Variants in AP2B1 observed in about 807,000 individuals in gnomAD.
The protein encoded by AP2B1 is adaptor related protein complex 2 subunit beta 1.
A neutral mutation model predicts 102.0 loss-of-function variants in AP2B1; 23 were observed. That is an observed-to-expected ratio of 0.23 (90% confidence interval 0.16 to 0.32). The LOEUF (loss-of-function observed/expected upper bound fraction) is 0.32, where lower values mean the gene tolerates loss of function less well. Ranked by LOEUF, AP2B1 falls within the 10% of genes least tolerant of loss-of-function variation. The pLI is 1.00. For synonymous variants in AP2B1, 381 were observed against 421.2 expected (o/e 0.90, Z 1.17); for missense variants, 541 against 1,157.4 (o/e 0.47, Z 7.73).
Position 35,601,468 on chromosome 17 carries a change from T to C in AP2B1, c.143+3133T>C, listed in dbSNP as rs574520288. ...CCTCAGCCTCCTGAGTAGCTGGTACTGTATATGCACCTGCCATCACTCCTG... is the reference window on the plus strand; with the variant it reads ...CCTCAGCCTCCTGAGTAGCTGGTACCGTATATGCACCTGCCATCACTCCTG... On this transcript the variant is annotated intron_variant, in intron 3 of 21. Transcript: ENST00000610402. Among the ~76,000 whole-genome samples, 6 of 152,336 alleles carry C rather than the reference T, an allele frequency of 3.9e-5. No individual in the cohort carries two copies. The South Asian group carries it at 1.0e-3, about 26-fold the overall frequency.
At chr17:35,665,079 T>C (rs754865550) in intron 14 of AP2B1, among the ~76,000 whole-genome samples, 1 of 152,122 alleles carries the variant, frequency 6.6e-6, no homozygotes, top group Non-Finnish European at 1.5e-5. Flanking sequence ...TTACAGAGTC[T>C]TTCCACCAAT....
Position 35,626,612 on chromosome 17 carries a change from C to A in AP2B1, c.717-9C>A. 6.3e-7 allele frequency: 1 copy of A among 1,583,826 alleles called. No homozygotes were observed. The highest frequency in any genetic ancestry group is 8.7e-7 in the Non-Finnish European group (1 of 1,154,606). The stretch of plus-strand genomic sequence containing the variant: ...ATTCATGATATTAATTTTCATTCTC[C>A]ACCCTCAGCATCTGTGAGCGGGTAA... On this transcript the variant is annotated splice_polypyrimidine_tract_variant and intron_variant, in intron 6 of 21. Transcript: ENST00000610402.
At chr17:35,699,077 C>T (rs1398015811) in intron 18 of AP2B1, among the ~76,000 whole-genome samples, 1 of 152,170 alleles carries the variant, frequency 6.6e-6, no homozygotes, top group African/African-American at 2.4e-5. Flanking sequence ...ATGGGTACTA[C>T]AGGAGAAGTC....
At chr17:35,638,791 A>G (rs1234517296) in intron 10 of AP2B1, among the ~76,000 whole-genome samples, 14 of 3,940 alleles carry the variant, frequency 3.6e-3, no homozygotes, top group Middle Eastern at 0.071. Context: ...TCCGTCTTGA[A>G]AAAAAAAAAA....
chr17:35,679,261 T>C (rs1202986854), intron 17 of AP2B1, among the ~76,000 whole-genome samples: 3 of 152,184 alleles, frequency 2.0e-5, no homozygotes, highest in Non-Finnish European at 4.4e-5. Context: ...TCTAGAGGGC[T>C]GATCTTTGCC....
At chr17:35,654,868 C>T (rs1164361234) in intron 13 of AP2B1, among the ~76,000 whole-genome samples, 1 of 151,882 alleles carries the variant, frequency 6.6e-6, no homozygotes, top group East Asian at 1.9e-4. Context: ...AGGTTATTGC[C>T]TGACCTTTGC....
At chr17:35,611,996 A>G (rs901651709) in intron 5 of AP2B1, among the ~76,000 whole-genome samples, 1 of 152,242 alleles carries the variant, frequency 6.6e-6, no homozygotes, top group Non-Finnish European at 1.5e-5. Context: ...AGACTTTTAG[A>G]GAAAATTTAA....
At chr17:35,604,840 A>G (rs2073613587) in intron 3 of AP2B1, among the ~76,000 whole-genome samples, 1 of 152,234 alleles carries the variant, frequency 6.6e-6, no homozygotes, top group East Asian at 1.9e-4. Flanking sequence ...ATGTAATCCC[A>G]GCACTAGGAT....
At chr17:35,720,563 A>ATTTTTTTTTTT in intron 21 of AP2B1, among the ~76,000 whole-genome samples, 1 of 49,656 alleles carries the variant, frequency 2.0e-5, no homozygotes, top group Non-Finnish European at 4.1e-5. Flanking sequence ...ATATATATAT[A>ATTTTTTTTTTT]TATATATATA....
At chr17:35,713,897 C>G (rs972507176) in intron 20 of AP2B1, 1 of 152,200 alleles carries the variant, frequency 6.6e-6, no homozygotes, top group Admixed American at 6.5e-5. Context: ...TAGCACCGAT[C>G]ATTTCTGTGG....
At chr17:35,665,923 T>C (rs548989452) in intron 14 of AP2B1, among the ~76,000 whole-genome samples, 2 of 152,334 alleles carry the variant, frequency 1.3e-5, no homozygotes, top group Admixed American at 6.5e-5. Flanking sequence ...GGATTTTTTT[T>C]CCAGTCCGCT....
At chr17:35,627,184 G>A (rs1405426094) in intron 7 of AP2B1, among the ~76,000 whole-genome samples, 5 of 144,964 alleles carry the variant, frequency 3.4e-5, no homozygotes, top group Non-Finnish European at 6.0e-5. Flanking sequence ...TGCTTAAAAA[G>A]GATAAAAATA....
chr17:35,655,133 G>A (rs1187439266), intron 13 of AP2B1, among the ~76,000 whole-genome samples: 1 of 152,076 alleles, frequency 6.6e-6, no homozygotes, highest in Non-Finnish European at 1.5e-5. Context: ...ATGCAGTGGA[G>A]AATATCTTCA....
At chr17:35,709,356 G>A in intron 19 of AP2B1, 48 bp downstream of exon 19, 1 of 1,502,360 alleles carries the variant, frequency 6.7e-7, no homozygotes, top group Non-Finnish European at 9.3e-7. Context: ...TGCCCTTCCT[G>A]TGCATGTCAG....
intron 12 of AP2B1, among the ~76,000 whole-genome samples, chr17:35,644,234 A>G (rs2074862551): frequency 6.6e-6 from 1 of 152,220 alleles, no homozygotes; most frequent in South Asian, 2.1e-4. Context: ...CTTCCTCTCT[A>G]GTCTGAAGGT....
At chr17:35,653,362 C>T (rs936820588) in intron 13 of AP2B1, among the ~76,000 whole-genome samples, 31 of 152,166 alleles carry the variant, frequency 2.0e-4, no homozygotes, top group African/African-American at 7.2e-4. Flanking sequence ...CTACACTGAC[C>T]CACACCCTCA....
intron 18 of AP2B1, among the ~76,000 whole-genome samples, chr17:35,698,812 A>G (rs1487899100): frequency 1.3e-5 from 2 of 152,196 alleles, no homozygotes; most frequent in Non-Finnish European, 1.5e-5. Context: ...ATTTGATTTG[A>G]GTAGTTCTGA....
intron 2 of AP2B1, among the ~76,000 whole-genome samples, chr17:35,596,519 C>T (rs201579638): frequency 7.0e-5 from 10 of 143,540 alleles, no homozygotes; most frequent in South Asian, 6.6e-4. Flanking sequence ...CTATTTCTTT[C>T]TTTTTTTTTT....
At chr17:35,590,379 G>C (rs1042608970) in intron 1 of AP2B1, among the ~76,000 whole-genome samples, 43 of 151,850 alleles carry the variant, frequency 2.8e-4, no homozygotes, top group African/African-American at 9.9e-4. Context: ...TTTTTTTTGA[G>C]GTGAAATTCA....
Sources: allele counts gnomAD v4.1 joint callset (sites outside exome capture counted in the v4.1 genomes callset), GRCh38; gene constraint gnomAD v4.1.1; transcripts MANE v1.5; gene names NCBI Gene and HGNC (gene_info 2026-07-23, HGNC 2026-07-21).